GAB1: variants seen among roughly 807,000 people sequenced by gnomAD.
The protein encoded by GAB1 is GRB2 associated binding protein 1, also known as GRB2-associated-binding protein 1.
GAB1 carries 19 observed loss-of-function variants against 66.5 expected under a neutral mutation model. The ratio of observed to expected loss-of-function variants is 0.29; its 90% CI spans 0.20 to 0.42. The LOEUF is 0.42. Ranked by LOEUF, GAB1 falls within the 10% of genes least tolerant of loss-of-function variation. GAB1 has a pLI of 1.00. For missense variants in GAB1, 732 were observed against 858.5 expected, an observed-to-expected ratio of 0.85 and a Z score of 1.84; for synonymous variants, 294 against 301.4, an observed-to-expected ratio of 0.98 and a Z score of 0.25.
intron 1 of GAB1, among the ~76,000 whole-genome samples, chr4:143,397,417 TTAACTA>T (rs1731505379): frequency 1.3e-5 from 2 of 152,200 alleles, no homozygotes; most frequent in Non-Finnish European, 2.9e-5. Context: ...TTTGCTCTAT[TTAACTA>T]TAAATACACT....
At chr4:143,364,556 G>A (rs1729791703) in intron 1 of GAB1, among the ~76,000 whole-genome samples, 1 of 152,160 alleles carries the variant, frequency 6.6e-6, no homozygotes, top group East Asian at 1.9e-4. Flanking sequence ...AGCAGACAAT[G>A]TTTGTGGGGC....
chr4:143,458,586 G>GA (rs1359764242), intron 6 of GAB1, among the ~76,000 whole-genome samples: 1 of 151,750 alleles, frequency 6.6e-6, no homozygotes, highest in East Asian at 1.9e-4. Flanking sequence ...GTAAATTTCT[G>GA]AAAAAATCTC....
At chr4:143,368,964 G>C (rs2149664003) in intron 1 of GAB1, among the ~76,000 whole-genome samples, 1 of 151,250 alleles carries the variant, frequency 6.6e-6, no homozygotes, top group East Asian at 2.0e-4. Flanking sequence ...TTTTGAGATG[G>C]AGTCTTGCTC....
Position 143,469,428 on chromosome 4 carries a change from T to G in GAB1, c.*239T>G, listed in dbSNP as rs1029933586. 1 of 449,902 alleles carries G rather than the reference T, an allele frequency of 2.2e-6. No individual in the cohort carries two copies. Among genetic ancestry groups the G allele is most frequent in the East Asian group, 3.5e-5 (1 of 28,418 alleles). The allele number at this position is 449,902 out of a possible 1,614,324, so 27.9% of individuals were successfully genotyped here. ...TATTGTTTAGCTCCCAGAGAAACAT[T>G]TGTTCCACAGTTAACACACTCGTAG... On this transcript the variant is annotated 3_prime_UTR_variant, in exon 10 of 10. Transcript: ENST00000262994.
intron 6 of GAB1, among the ~76,000 whole-genome samples, chr4:143,452,206 A>G (rs1734964974): frequency 6.6e-6 from 1 of 152,060 alleles, no homozygotes; most frequent in African/African-American, 2.4e-5. Context: ...GGCCTCCCAC[A>G]GTGTTGGGAT....
At position 143,438,380 on chromosome 4, in the gene GAB1, A is replaced by G. The variant is rs1734046355; in HGVS notation, c.975A>G (p.Glu325=). The change falls in exon 4 of 10, where the codon GAA becomes GAG. Residue 325 remains glutamate (E), a synonymous_variant. Coordinates refer to ENST00000262994, the MANE Select transcript of GAB1 (RefSeq NM_002039.4). The stretch of plus-strand genomic sequence containing the variant: ...ATCAGATTCCACGAACATTTCCAGA[A>G]GGAACCTTGGGACAGACATCAAAGC... ...NTYQIPRTFP[E]GTLGQTSKLD... is the part of the protein sequence containing the mutation. 1 of 1,614,120 alleles carries G rather than the reference A, an allele frequency of 6.2e-7. No individual in the cohort carries two copies. The highest frequency in any genetic ancestry group is 8.5e-7 in the Non-Finnish European group (1 of 1,179,992).
chr4:143,433,348 A>G, intron 2 of GAB1, 143 bp from the exon 3 acceptor site: 1 of 642,840 alleles, frequency 1.6e-6, no homozygotes, highest in Non-Finnish European at 2.8e-6. Context: ...AAAGGTCGCC[A>G]TTTAGATAGT....
intron 1 of GAB1, among the ~76,000 whole-genome samples, chr4:143,356,366 T>A (rs1314103301): frequency 4.6e-5 from 7 of 152,216 alleles, no homozygotes; most frequent in Admixed American, 1.3e-4. Context: ...TGAAAAACAT[T>A]TCACTGGAAA....
intron 1 of GAB1, among the ~76,000 whole-genome samples, chr4:143,355,403 A>C (rs1437428175): frequency 6.7e-6 from 1 of 149,118 alleles, no homozygotes; most frequent in Non-Finnish European, 1.5e-5. Context: ...CTGCCTTTTT[A>C]ATTTTTATTT....
chr4:143,363,698 C>T (rs1729754909), intron 1 of GAB1, among the ~76,000 whole-genome samples: 1 of 152,066 alleles, frequency 6.6e-6, no homozygotes, highest in South Asian at 2.1e-4. Flanking sequence ...GTGATAGAAC[C>T]CCTGCACTGT....
intron 2 of GAB1, among the ~76,000 whole-genome samples, chr4:143,419,103 G>A (rs1732872620): frequency 2.0e-5 from 3 of 152,100 alleles, no homozygotes; most frequent in Non-Finnish European, 4.4e-5. Context: ...ATCACAGACT[G>A]AGCATCTAAT....
At chr4:143,386,147 A>G (rs1423998117) in intron 1 of GAB1, among the ~76,000 whole-genome samples, 1 of 152,166 alleles carries the variant, frequency 6.6e-6, no homozygotes, top group Non-Finnish European at 1.5e-5. Context: ...AATAAAAATT[A>G]AAGTGTATTG....
rs1728675954 is a variant in GAB1 at position 143,337,101 on chromosome 4, C to G, written c.-88C>G. 8.4e-7 allele frequency: 1 copy of G among 1,195,020 alleles called. No individual in the cohort carries two copies. The highest frequency in any genetic ancestry group is 1.5e-5 in the African/African-American group (1 of 65,102). The allele number at this position is 1,195,020 out of a possible 1,614,324, so 74.0% of individuals were successfully genotyped here. A position where few individuals can be genotyped will look rare whatever the true frequency, so the allele number is the denominator to read the frequency against. On this transcript the variant is annotated 5_prime_UTR_variant, in exon 1 of 10. Transcript: ENST00000262994. ...CGCGACCAGGAGAGCTAGGTTCTCG[C>G]CACTGCGCGCTCGGCAGGCGTCGGC...
In GAB1 at chr4:143,396,005, G is replaced by A. The variant is rs1419689195; in HGVS notation, c.73-19472G>A. The A allele has an allele frequency of 1.8e-5, 8 of 455,738 alleles. No homozygotes were observed. The East Asian group carries it at 4.9e-4, about 28-fold the overall frequency. 28.2% of individuals were successfully genotyped at this position (455,738 alleles called of 1,614,324 possible). A position where few individuals can be genotyped will look rare whatever the true frequency, so the allele number is the denominator to read the frequency against. ...TATGGATGAGGTGGGGAGGATTCCA[G>A]CAGAGGGGACCCAGGAAAGGGGAGG... is the stretch of plus-strand genomic sequence containing the variant. On this transcript the variant is annotated intron_variant, in intron 1 of 9. Coordinates refer to ENST00000262994, the MANE Select transcript of GAB1 (RefSeq NM_002039.4).
At chr4:143,368,179 GA>G (rs904538051) in intron 1 of GAB1, among the ~76,000 whole-genome samples, 125 of 140,374 alleles carry the variant, frequency 8.9e-4, no homozygotes, top group African/African-American at 1.3e-3. Flanking sequence ...GTTTTTTGAG[GA>G]AAAAAAAAAA....
intron 1 of GAB1, among the ~76,000 whole-genome samples, chr4:143,373,702 G>A (rs1403502978): frequency 6.6e-6 from 1 of 151,482 alleles, no homozygotes; most frequent in Non-Finnish European, 1.5e-5. Context: ...GGTGGCATGC[G>A]CCTGTAGTCC....
chr4:143,452,159 G>C (rs1190727010), intron 6 of GAB1, among the ~76,000 whole-genome samples: 1 of 152,104 alleles, frequency 6.6e-6, no homozygotes, highest in Non-Finnish European at 1.5e-5. Flanking sequence ...GCCCAGGATG[G>C]TCTCAAACTC....
chr4:143,456,827 T>G (rs1293695297), intron 6 of GAB1, among the ~76,000 whole-genome samples: 1 of 152,202 alleles, frequency 6.6e-6, no homozygotes, highest in East Asian at 1.9e-4. Flanking sequence ...TGGAGTAGCT[T>G]AAATCACTGG....
At chr4:143,389,084 C>T (rs1019542920) in intron 1 of GAB1, among the ~76,000 whole-genome samples, 23 of 152,358 alleles carry the variant, frequency 1.5e-4, no homozygotes, top group Middle Eastern at 3.4e-3. Context: ...TCTAAAATCA[C>T]TCACATTATA....
Sources: allele counts gnomAD v4.1 joint callset (sites outside exome capture counted in the v4.1 genomes callset), GRCh38; gene constraint gnomAD v4.1.1; transcripts MANE v1.5; gene names NCBI Gene and HGNC (gene_info 2026-07-23, HGNC 2026-07-21).